The following ARFGAP1 variants were observed in gnomAD, a reference collection of about 807,000 sequenced individuals.
ARFGAP1 encodes the protein ARF GTPase activating protein 1.
ARFGAP1 carries 26 observed loss-of-function variants against 54.0 expected under a neutral mutation model. The ratio of observed to expected loss-of-function variants is 0.48; its 90% CI spans 0.35 to 0.67. ARFGAP1 has a LOEUF of 0.67. ARFGAP1 is among the 30% of genes least tolerant of loss of function. The pLI is 0.00. For synonymous variants in ARFGAP1, 248 were observed against 211.9 expected (o/e 1.17, Z -1.48); for missense variants, 525 against 535.8 (o/e 0.98, Z 0.20).
chr20:63,276,276 G>A lies in ARFGAP1; in HGVS notation c.170+76G>A. 1 of 1,536,954 alleles carries A rather than the reference G, an allele frequency of 6.5e-7. No homozygotes were observed. The highest frequency in any genetic ancestry group is 1.4e-5 in the African/African-American group (1 of 73,342). On this transcript the variant is annotated intron_variant, in intron 3 of 12. Coordinates refer to ENST00000370283, the MANE Select transcript of ARFGAP1 (RefSeq NM_018209.4). The surrounding 1 kb of genome is among the most constrained non-coding windows in gnomAD (Gnocchi z 5.2). ...ATCTGTTCCTGACACCAGAGGTGCTGACGCCAGGGAAGCTTGGGGGCCACC... is the reference window on the plus strand; with the variant it reads ...ATCTGTTCCTGACACCAGAGGTGCTAACGCCAGGGAAGCTTGGGGGCCACC...
chr20:63,282,955 A>G, intron 9 of ARFGAP1, 104 bp downstream of exon 9: 4 of 1,283,504 alleles, frequency 3.1e-6, no homozygotes, highest in East Asian at 2.3e-5. Context: ...CTCAGGCCAC[A>G]TGCTCAGAGC....
Position 63,276,337 on chromosome 20 carries a change from C to A in ARFGAP1, c.170+137C>A. On this transcript the variant is annotated intron_variant, in intron 3 of 12. Transcript: ENST00000370283. The surrounding 1 kb of genome is among the most constrained non-coding windows in gnomAD (Gnocchi z 5.2). Reference sequence around the variant, plus strand: ...TTGCCAGTGTCCACTCTAGTGACGCCATGGCACAGAGTTCCAGCTGCTGGC... The same window carrying A: ...TTGCCAGTGTCCACTCTAGTGACGCAATGGCACAGAGTTCCAGCTGCTGGC... 1 of 1,367,892 alleles carries A rather than the reference C, an allele frequency of 7.3e-7. No individual in the cohort carries two copies. Among genetic ancestry groups the A allele is most frequent in the Non-Finnish European group, 1.0e-6 (1 of 984,076 alleles). 84.7% of individuals were successfully genotyped at this position (1,367,892 alleles called of 1,614,324 possible).
intron 2 of ARFGAP1, 105 bp downstream of exon 2, chr20:63,275,745 TG>T: frequency 8.6e-7 from 1 of 1,160,452 alleles, no homozygotes; most frequent in Admixed American, 1.9e-5. Flanking sequence ...CTGCAGTGGA[TG>T]GTGGTTGGCG....
intron 1 of ARFGAP1, 61 bp downstream of exon 1, chr20:63,272,981 C>A (rs1162984708): frequency 6.6e-6 from 1 of 151,998 alleles, no homozygotes; most frequent in African/African-American, 2.4e-5. Flanking sequence ...CGGCGTCGTC[C>A]CCGGCCTTCG....
At position 63,283,675 on chromosome 20, in the gene ARFGAP1, AGGT is replaced by A. The variant is rs1447218703; in HGVS notation, c.717+831_717+833del. On this transcript the variant is annotated intron_variant, in intron 9 of 12. Transcript: ENST00000370283. ...GTGCAGTCGCTCGCGCAGTTTCTGAAGGTGGTGGTCAGTTCCAGGGCAGGGAGC... is the reference window on the plus strand; with the variant it reads ...GTGCAGTCGCTCGCGCAGTTTCTGAAGGTGGTCAGTTCCAGGGCAGGGAGC... 5 of 624,418 alleles carry A rather than the reference AGGT, an allele frequency of 8.0e-6. No homozygotes were observed. In the South Asian group the frequency reaches 8.7e-5, roughly 11 times the overall value. 38.7% of individuals were successfully genotyped at this position (624,418 alleles called of 1,614,324 possible). A position where few individuals can be genotyped will look rare whatever the true frequency, so the allele number is the denominator to read the frequency against.
In ARFGAP1 at chr20:63,276,477, C is replaced by CA. The variant is rs781685909; in HGVS notation, c.171-2dup. 5 of 1,608,782 alleles carry CA rather than the reference C, an allele frequency of 3.1e-6. No individual in the cohort carries two copies. The South Asian group carries it at 5.5e-5, about 18-fold the overall frequency. Reference sequence around the variant, plus strand: ...TTGATCTGCTCGATCCTCTGCTTTCCAGCTTTGTGCGCTCTGTTACTATGG... The same window carrying CA: ...TTGATCTGCTCGATCCTCTGCTTTCCAAGCTTTGTGCGCTCTGTTACTATGG... On this transcript the variant is annotated splice_polypyrimidine_tract_variant and splice_region_variant and intron_variant, in intron 3 of 12. Transcript: ENST00000370283. The surrounding 1 kb of genome is among the most constrained non-coding windows in gnomAD (Gnocchi z 5.2).
chr20:63,278,569 C>T, intron 6 of ARFGAP1: 1 of 466,284 alleles, frequency 2.1e-6, no homozygotes, highest in Non-Finnish European at 3.9e-6. Context: ...AAAAGCATAA[C>T]ACATTTTCTG....
intron 7 of ARFGAP1, among the ~76,000 whole-genome samples, chr20:63,279,646 T>C (rs965248723): frequency 5.9e-5 from 9 of 152,230 alleles, no homozygotes; most frequent in African/African-American, 2.2e-4. Flanking sequence ...AAGCTGGCTC[T>C]GTGCTTGGGT....
At chr20:63,281,510 C>T (rs6010889) in intron 8 of ARFGAP1, among the ~76,000 whole-genome samples, 163 bp downstream of exon 8, 3 of 152,174 alleles carry the variant, frequency 2.0e-5, no homozygotes, top group Non-Finnish European at 4.4e-5. Flanking sequence ...CAGGGTGGTC[C>T]TGAGACCTTG....
rs1458186086 is a variant in ARFGAP1, at chr20:63,282,810, T to C, written c.685-9T>C. 2 of 1,613,976 alleles carry C rather than the reference T, an allele frequency of 1.2e-6. No homozygotes were observed. Among genetic ancestry groups the C allele is most frequent in the Non-Finnish European group, 1.7e-6 (2 of 1,180,016 alleles). Reference sequence around the variant, plus strand: ...GTCTGTCAAGCCTTGTCTTTGTTTTTCATTTTAGGCTACAAAGTTTGGATC... The same window carrying C: ...GTCTGTCAAGCCTTGTCTTTGTTTTCCATTTTAGGCTACAAAGTTTGGATC... On this transcript the variant is annotated splice_polypyrimidine_tract_variant and intron_variant, in intron 8 of 12. Transcript: ENST00000370283.
rs986239110 is a variant in ARFGAP1, at chr20:63,272,853, A to G, written c.-72A>G. On this transcript the variant is annotated 5_prime_UTR_variant, in exon 1 of 13. Transcript: ENST00000370283. ...CTGGTGGGCGACCGGGCGCATCCTC[A>G]TTGCAGTGCGGCGGCCCTACCTCGG... is the stretch of plus-strand genomic sequence containing the variant. 10 of 152,026 alleles carry G rather than the reference A, an allele frequency of 6.6e-5. No homozygotes were observed. Among genetic ancestry groups the G allele is most frequent in the Non-Finnish European group, 1.0e-4 (7 of 68,058 alleles). 9.4% of individuals were successfully genotyped at this position (152,026 alleles called of 1,614,324 possible). A position where few individuals can be genotyped will look rare whatever the true frequency, so the allele number is the denominator to read the frequency against.
chr20:63,282,716 G>A (rs773481674), intron 8 of ARFGAP1, 103 bp from the exon 9 acceptor site: 65 of 1,215,048 alleles, frequency 5.3e-5, no homozygotes, highest in Non-Finnish European at 7.8e-5. Flanking sequence ...CAGCCCGGGG[G>A]CCATTGAGAG....
Position 63,288,649 on chromosome 20 carries a change from C to A in ARFGAP1, c.*776C>A, listed in dbSNP as rs1318424956. The A allele has an allele frequency of 2.6e-6, 1 of 388,252 alleles. No homozygotes were observed. Among genetic ancestry groups the A allele is most frequent in the East Asian group, 7.3e-5 (1 of 13,680 alleles). 24.1% of individuals were successfully genotyped at this position (388,252 alleles called of 1,614,324 possible). A position where few individuals can be genotyped will look rare whatever the true frequency, so the allele number is the denominator to read the frequency against. ...TGATGCAGGAGGGTGCGATAGCGGA[C>A]GTGGCCAGGCAGGAGGGGCCGGGTT... is the stretch of plus-strand genomic sequence containing the variant. On this transcript the variant is annotated 3_prime_UTR_variant, in exon 13 of 13. Transcript: ENST00000370283.
In ARFGAP1 at chr20:63,289,259, AAGC is replaced by A. The variant is rs1401378046; in HGVS notation, c.*1390_*1392del. 6.6e-6 allele frequency: 1 copy of A among 152,290 alleles called. No individual in the cohort carries two copies. The highest frequency in any genetic ancestry group is 1.5e-5 in the Non-Finnish European group (1 of 68,140). The allele number at this position is 152,290 out of a possible 1,614,324, so 9.4% of individuals were successfully genotyped here. ...TCAAGGTGCTGAGAAGCCACCGGGA[AAGC>A]AGCCAGCACAAAGGGCCCAGGAAGC... On this transcript the variant is annotated 3_prime_UTR_variant, in exon 13 of 13. Transcript: ENST00000370283.
rs977400200 is a variant in ARFGAP1 at position 63,288,052 on chromosome 20, C to T, written c.*179C>T. 1.4e-4 allele frequency: 107 copies of T among 741,906 alleles called. No individual in the cohort carries two copies. The highest frequency in any genetic ancestry group is 4.3e-4 in the African/African-American group (24 of 56,448). 46.0% of individuals were successfully genotyped at this position (741,906 alleles called of 1,614,324 possible). On this transcript the variant is annotated 3_prime_UTR_variant, in exon 13 of 13. Transcript: ENST00000370283. Reference sequence around the variant, plus strand: ...GCGCCGCCTGCGCGTGGGGAGTCTTCGGTGCGTGGGGGCGGCTTGCTGTCC... The same window carrying T: ...GCGCCGCCTGCGCGTGGGGAGTCTTTGGTGCGTGGGGGCGGCTTGCTGTCC...
At chr20:63,281,015 T>G (rs941368355) in intron 7 of ARFGAP1, among the ~76,000 whole-genome samples, 6 of 152,046 alleles carry the variant, frequency 3.9e-5, no homozygotes, top group African/African-American at 1.2e-4. Flanking sequence ...AGGGTGGGCT[T>G]GCTTCTTGAG....
At chr20:63,278,285 G>A (rs2123234893) in intron 6 of ARFGAP1, 82 bp downstream of exon 6, 2 of 1,441,538 alleles carry the variant, frequency 1.4e-6, no homozygotes, top group East Asian at 4.6e-5. Context: ...CTTCCCTTGG[G>A]GCCTCCCATG....
At chr20:63,286,493 A>G (rs1568745095) in intron 12 of ARFGAP1, 51 bp downstream of exon 12, 3 of 1,550,448 alleles carry the variant, frequency 1.9e-6, no homozygotes, top group Non-Finnish European at 2.6e-6. Flanking sequence ...TGCCTTGGCC[A>G]CTCCTCCTAC....
At chr20:63,281,499 C>A in intron 8 of ARFGAP1, 152 bp downstream of exon 8, 1 of 959,104 alleles carries the variant, frequency 1.0e-6, no homozygotes, top group Non-Finnish European at 1.5e-6. Context: ...GCAGTACCAG[C>A]CAGGGTGGTC....
Sources: gnomAD v4.1 joint callset for allele counts (sites outside exome capture counted in the v4.1 genomes callset) on GRCh38, gnomAD v4.1.1 for gene constraint, Gnocchi (gnomAD v3.1) non-coding constraint, MANE v1.5 for transcripts, NCBI Gene and HGNC (gene_info 2026-07-23, HGNC 2026-07-21) for gene names.